Variants in CEP192 observed in about 807,000 individuals in gnomAD.
CEP192 encodes the protein centrosomal protein 192.
A neutral mutation model predicts 271.8 loss-of-function variants in CEP192; 151 were observed. That is an observed-to-expected ratio of 0.56 (90% CI 0.49 to 0.64). The LOEUF (loss-of-function observed/expected upper bound fraction) is 0.64, where lower values mean the gene tolerates loss of function less well. Among genes scored for constraint, CEP192 ranks in the 30% least tolerant of loss-of-function variants. The pLI is 0.00. For synonymous variants in CEP192, 995 were observed against 1,076.5 expected (o/e 0.92, Z 1.48); for missense variants, 2,910 against 3,020.5 (o/e 0.96, Z 0.86).
At chr18:13,092,140 T>G (rs1017271259) in intron 33 of CEP192, among the ~76,000 whole-genome samples, 3 of 152,164 alleles carry the variant, frequency 2.0e-5, no homozygotes, top group Admixed American at 6.5e-5. Context: ...TTGCCAAAAG[T>G]CACAAAGTAA....
intron 30 of CEP192, among the ~76,000 whole-genome samples, chr18:13,083,958 C>T (rs190024875): frequency 1.7e-3 from 255 of 152,280 alleles, no homozygotes; most frequent in African/African-American, 5.1e-3. Flanking sequence ...GGCTGCAGAA[C>T]GGCAAATATT....
At chr18:13,008,257 G>A (rs1192419102) in intron 3 of CEP192, among the ~76,000 whole-genome samples, 199 bp from the exon 4 acceptor site, 4 of 151,916 alleles carry the variant, frequency 2.6e-5, no homozygotes, top group Admixed American at 2.0e-4. Flanking sequence ...TGTATCACTG[G>A]ACCCAAAATG....
intron 9 of CEP192, among the ~76,000 whole-genome samples, chr18:13,024,854 C>G (rs557640431): frequency 6.2e-4 from 94 of 152,176 alleles, no homozygotes; most frequent in Non-Finnish European, 1.1e-3. Context: ...TCTGCGACCT[C>G]CACCTCCTGA....
chr18:13,037,287 C>A lies in CEP192; in HGVS notation c.1585C>A (p.His529Asn). Residue 529 changes from histidine to asparagine, a missense_variant, in exon 12 of 45, where the codon CAT becomes AAT. Physicochemically the swap from His to Asn is moderately conservative, Grantham distance 68. Transcript: ENST00000506447. ...AGATGAAGAAGAATTTAATAAAGAG[C>A]ATCAATTTATACAGGTTTGTAATTA... ...AQDEEEFNKE[H>N]QFIQEENIDA... 7.4e-7 allele frequency: 1 copy of A among 1,357,446 alleles called. No individual in the cohort carries two copies. Among genetic ancestry groups the A allele is most frequent in the South Asian group, 1.3e-5 (1 of 78,592 alleles). 84.1% of individuals were successfully genotyped at this position (1,357,446 alleles called of 1,614,324 possible). A position where few individuals can be genotyped will look rare whatever the true frequency, so the allele number is the denominator to read the frequency against.
Position 13,042,259 on chromosome 18 carries a change from G to T in CEP192, c.1992G>T (p.Gln664His), listed in dbSNP as rs530987539. Residue 664 changes from glutamine to histidine, a missense_variant, in exon 15 of 45, where the codon CAG (glutamine) becomes CAT (histidine). Transcript: ENST00000506447. Reference protein sequence around the residue: ...AQLSEGSITLQVEAVESTSQV... With the variant: ...AQLSEGSITLHVEAVESTSQV... ...TAAGTGAAGGATCAATTACACTTCA[G>T]GTTGAAGCAGTAGAGAGTACTTCAC... is the stretch of plus-strand genomic sequence containing the variant. 3 of 1,613,486 alleles carry T rather than the reference G, an allele frequency of 1.9e-6. No individual in the cohort carries two copies. Among genetic ancestry groups the T allele is most frequent in the Non-Finnish European group, 2.5e-6 (3 of 1,179,430 alleles).
At position 13,091,479 on chromosome 18, in the gene CEP192, A is replaced by C. The variant is rs373339198; in HGVS notation, c.6104-898A>C. Among the ~76,000 whole-genome samples, 1,001 of 152,310 alleles carry C rather than the reference A, an allele frequency of 6.6e-3. 21 individuals carry two copies. Among genetic ancestry groups the C allele is most frequent in the African/African-American group, 0.022 (924 of 41,566 alleles). Reference sequence around the variant, plus strand: ...GGTACCATAGATCACCTGGAGTATAATGCAGTTGAAGCTTTTATGTGATGA... The same window carrying C: ...GGTACCATAGATCACCTGGAGTATACTGCAGTTGAAGCTTTTATGTGATGA... On this transcript the variant is annotated intron_variant, in intron 33 of 44. Transcript: ENST00000506447.
intron 3 of CEP192, among the ~76,000 whole-genome samples, chr18:13,004,203 G>C (rs2033836986): frequency 6.6e-6 from 1 of 152,174 alleles, no homozygotes; most frequent in East Asian, 1.9e-4. Context: ...GTTACTGTTT[G>C]AGGCAGTAGA....
intron 4 of CEP192, among the ~76,000 whole-genome samples, chr18:13,011,176 G>A (rs1210308599): frequency 2.0e-5 from 3 of 150,264 alleles, no homozygotes; most frequent in East Asian, 2.0e-4. Context: ...GCAGTGAGCC[G>A]AGATTGTGCC....
intron 11 of CEP192, among the ~76,000 whole-genome samples, chr18:13,033,126 A>G (rs893238461): frequency 1.3e-5 from 2 of 152,162 alleles, no homozygotes; most frequent in Admixed American, 6.5e-5. Context: ...TGAGCTGTAC[A>G]CTTCACCTCT....
At chr18:13,063,938 A>G (rs1281573395) in intron 21 of CEP192, among the ~76,000 whole-genome samples, 1 of 150,424 alleles carries the variant, frequency 6.6e-6, no homozygotes, top group Non-Finnish European at 1.5e-5. Flanking sequence ...CTCCTGCCTC[A>G]GCCTCCCGAG....
At position 13,068,880 on chromosome 18, in the gene CEP192, G is replaced by T; in HGVS notation, c.4851G>T (p.Ser1617=). 6.2e-7 allele frequency: 1 copy of T among 1,614,084 alleles called. No homozygotes were observed. Among genetic ancestry groups the T allele is most frequent in the South Asian group, 1.1e-5 (1 of 91,070 alleles). ...TTCTGGACTCAGCAGAAGAATTCTC[G>T]GCAAAAGTTGATATCGAAGTTGACA... ...SDILDSAEEF[S]AKVDIEVDSP... The change falls in exon 25 of 45, where the codon TCG becomes TCT. Residue 1617 remains serine (S), a synonymous_variant. Coordinates refer to ENST00000506447, the MANE Select transcript of CEP192 (RefSeq NM_032142.4).
At chr18:13,031,432 A>G (rs1568307843) in intron 11 of CEP192, among the ~76,000 whole-genome samples, 1 of 151,802 alleles carries the variant, frequency 6.6e-6, no homozygotes, top group Non-Finnish European at 1.5e-5. Context: ...TATTTTTAGT[A>G]GAGACGGGGT....
chr18:13,050,030 G>T, intron 17 of CEP192, 139 bp downstream of exon 17: 10 of 657,386 alleles, frequency 1.5e-5, no homozygotes, highest in South Asian at 1.1e-4. Context: ...TTTCTTTCCA[G>T]CTATTTTTCT....
At chr18:13,083,573 C>T (rs1191192440) in intron 30 of CEP192, among the ~76,000 whole-genome samples, 1 of 152,170 alleles carries the variant, frequency 6.6e-6, no homozygotes, top group Non-Finnish European at 1.5e-5. Flanking sequence ...TCTCCTTTAG[C>T]TCGGAGAAGT....
At position 13,008,605 on chromosome 18, in the gene CEP192, G is replaced by A; in HGVS notation, c.440G>A (p.Arg147Lys). The A allele has an allele frequency of 7.1e-6, 11 of 1,550,872 alleles. No individual in the cohort carries two copies. The highest frequency in any genetic ancestry group is 9.6e-6 in the Non-Finnish European group (11 of 1,146,742). Residue 147 changes from arginine to lysine, a missense_variant, in exon 4 of 45, where the codon AGG (arginine) becomes AAG (lysine). Physicochemically the swap from Arg to Lys is conservative, Grantham distance 26 (BLOSUM62 2). Coordinates refer to ENST00000506447, the MANE Select transcript of CEP192 (RefSeq NM_032142.4). ...TTGCAGGGCCAAGATCTCTTCAACA[G>A]GGCTTCACCACTGGAACAAGCACAA... is the stretch of plus-strand genomic sequence containing the variant. ...ESLQGQDLFNRASPLEQAQDS... is the reference protein window; with the variant it reads ...ESLQGQDLFNKASPLEQAQDS...
At chr18:13,072,892 G>A (rs2038085332) in intron 29 of CEP192, 47 bp downstream of exon 29, 2 of 1,543,194 alleles carry the variant, frequency 1.3e-6, no homozygotes, top group South Asian at 1.1e-5. Flanking sequence ...TCTGGGTCTG[G>A]AACACTTGCA....
chr18:13,086,468 A>G (rs958875397), intron 30 of CEP192, among the ~76,000 whole-genome samples: 1 of 152,156 alleles, frequency 6.6e-6, no homozygotes, highest in African/African-American at 2.4e-5. Flanking sequence ...CTTCCCAGGT[A>G]AGGCGACGCC....
intron 9 of CEP192, among the ~76,000 whole-genome samples, chr18:13,027,707 C>G (rs923940310): frequency 6.6e-6 from 1 of 152,072 alleles, no homozygotes; most frequent in Non-Finnish European, 1.5e-5. Context: ...ACTGGAAGCT[C>G]GAAGTTGTAA....
Position 13,049,081 on chromosome 18 carries a change from C to G in CEP192, c.2290C>G (p.His764Asp), listed in dbSNP as rs1163927704. ...EKQKDYSHVRHFLPNDLEKSN... is the reference protein window; with the variant it reads ...EKQKDYSHVRDFLPNDLEKSN... ...ACAAAAGGACTATTCTCATGTGCGT[C>G]ATTTCTTACCTAATGATTTAGAAAA... Residue 764 changes from histidine to aspartate, a missense_variant, in exon 16 of 45, where the codon CAT (histidine) becomes GAT (aspartate). Coordinates refer to ENST00000506447, the MANE Select transcript of CEP192 (RefSeq NM_032142.4). The G allele has an allele frequency of 6.2e-7, 1 of 1,613,862 alleles. No homozygotes were observed. Among genetic ancestry groups the G allele is most frequent in the Non-Finnish European group, 8.5e-7 (1 of 1,179,914 alleles).
Sources: allele counts gnomAD v4.1 joint callset (sites outside exome capture counted in the v4.1 genomes callset), GRCh38; gene constraint gnomAD v4.1.1; transcripts MANE v1.5; gene names NCBI Gene and HGNC (gene_info 2026-07-23, HGNC 2026-07-21).